The following PPP1R3A variants were observed in gnomAD, a reference collection of about 807,000 sequenced individuals.
PPP1R3A encodes the protein RG1.
PPP1R3A carries 29 observed loss-of-function variants against 41.7 expected under a neutral mutation model. The observed-to-expected ratio is 0.70, with a 90% CI of 0.52 to 0.95. The LOEUF is 0.95. Among genes scored for constraint, PPP1R3A ranks in the 40% least tolerant of loss-of-function variants. The pLI is 0.00. For missense variants in PPP1R3A, 1,352 were observed against 1,292.4 expected, an observed-to-expected ratio of 1.05 and a Z score of -0.71; for synonymous variants, 485 against 453.4, an observed-to-expected ratio of 1.07 and a Z score of -0.89.
intron 1 of PPP1R3A, among the ~76,000 whole-genome samples, chr7:113,886,181 T>G (rs1796781774): frequency 6.6e-6 from 1 of 152,090 alleles, no homozygotes; most frequent in Non-Finnish European, 1.5e-5. Flanking sequence ...GATATTATGG[T>G]TATATCAGGC....
chr7:113,918,181 T>A (rs772787779), intron 1 of PPP1R3A, 34 bp downstream of exon 1: 4 of 1,540,754 alleles, frequency 2.6e-6, no homozygotes, highest in African/African-American at 2.8e-5. Flanking sequence ...ACTTTAAGAT[T>A]GTGAATAATA....
intron 1 of PPP1R3A, among the ~76,000 whole-genome samples, chr7:113,902,638 G>T (rs1286791031): frequency 6.6e-6 from 1 of 151,768 alleles, no homozygotes; most frequent in Admixed American, 6.6e-5. Context: ...GGTTCCTTCA[G>T]CATAGAACAG....
At chr7:113,886,318 C>T (rs945470311) in intron 1 of PPP1R3A, among the ~76,000 whole-genome samples, 12 of 151,962 alleles carry the variant, frequency 7.9e-5, no homozygotes, top group African/African-American at 2.9e-4. Flanking sequence ...CTTTTCTGCA[C>T]CATTCTCATG....
At chr7:113,908,029 G>T (rs1335099994) in intron 1 of PPP1R3A, among the ~76,000 whole-genome samples, 1 of 151,768 alleles carries the variant, frequency 6.6e-6, no homozygotes, top group African/African-American at 2.4e-5. Flanking sequence ...GTAAATTAAA[G>T]AAAGTAAAAA....
At chr7:113,892,393 G>C (rs1796907219) in intron 1 of PPP1R3A, among the ~76,000 whole-genome samples, 1 of 151,958 alleles carries the variant, frequency 6.6e-6, no homozygotes. Flanking sequence ...ATAATGTTAT[G>C]TTGCAGCTTC....
intron 1 of PPP1R3A, among the ~76,000 whole-genome samples, chr7:113,907,211 C>G (rs754526263): frequency 6.6e-6 from 1 of 151,710 alleles, no homozygotes; most frequent in African/African-American, 2.4e-5. Context: ...CACTACTGCT[C>G]ATGAGTAGCA....
At chr7:113,899,481 TA>T (rs1489621457) in intron 1 of PPP1R3A, among the ~76,000 whole-genome samples, 4 of 151,882 alleles carry the variant, frequency 2.6e-5, no homozygotes, top group African/African-American at 9.7e-5. Context: ...ATATTGTTAT[TA>T]ATGCTTAAAA....
intron 1 of PPP1R3A, among the ~76,000 whole-genome samples, chr7:113,889,853 G>T (rs1305053748): frequency 6.6e-6 from 1 of 152,078 alleles, no homozygotes; most frequent in Admixed American, 6.6e-5. Flanking sequence ...TACCAAAAAA[G>T]CAAGACGGAG....
At chr7:113,904,433 A>G (rs1361882416) in intron 1 of PPP1R3A, among the ~76,000 whole-genome samples, 3 of 151,828 alleles carry the variant, frequency 2.0e-5, no homozygotes, top group African/African-American at 4.8e-5. Context: ...TAAAAAATAC[A>G]TAAGTTTATG....
intron 1 of PPP1R3A, among the ~76,000 whole-genome samples, chr7:113,893,572 T>A (rs947335867): frequency 9.9e-5 from 15 of 152,158 alleles, no homozygotes; most frequent in Admixed American, 2.6e-4. Context: ...ATACCTATTA[T>A]ATAAGCTAAT....
At chr7:113,882,537 A>G (rs1358601664) in intron 1 of PPP1R3A, among the ~76,000 whole-genome samples, 1 of 151,988 alleles carries the variant, frequency 6.6e-6, no homozygotes. Flanking sequence ...AGTAATTCAA[A>G]CAATGCCATA....
At chr7:113,897,023 A>G (rs1381882239) in intron 1 of PPP1R3A, among the ~76,000 whole-genome samples, 1 of 151,922 alleles carries the variant, frequency 6.6e-6, no homozygotes, top group Non-Finnish European at 1.5e-5. Flanking sequence ...CATGTTATGG[A>G]AAATATGTTA....
At chr7:113,902,941 C>T (rs554079817) in intron 1 of PPP1R3A, among the ~76,000 whole-genome samples, 2 of 151,944 alleles carry the variant, frequency 1.3e-5, no homozygotes, top group East Asian at 3.9e-4. Context: ...GATGGTCCTT[C>T]ATCATTCATT....
intron 1 of PPP1R3A, among the ~76,000 whole-genome samples, chr7:113,914,965 A>G (rs1029997659): frequency 1.3e-5 from 2 of 152,014 alleles, no homozygotes; most frequent in Non-Finnish European, 2.9e-5. Context: ...TATCAATGTC[A>G]TTTTTGTCAT....
chr7:113,909,191 T>C (rs548207472), intron 1 of PPP1R3A, among the ~76,000 whole-genome samples: 2 of 152,180 alleles, frequency 1.3e-5, no homozygotes, highest in South Asian at 4.1e-4. Flanking sequence ...TTCAGCATTT[T>C]ATTTATACAG....
chr7:113,909,740 T>A (rs1026017310), intron 1 of PPP1R3A, among the ~76,000 whole-genome samples: 6 of 152,064 alleles, frequency 3.9e-5, no homozygotes, highest in African/African-American at 1.4e-4. Flanking sequence ...AACAATATAA[T>A]TTTGCTTGAT....
At chr7:113,891,643 T>C (rs542710888) in intron 1 of PPP1R3A, among the ~76,000 whole-genome samples, 3 of 152,174 alleles carry the variant, frequency 2.0e-5, no homozygotes, top group South Asian at 2.1e-4. Context: ...CATTACCCAA[T>C]TGATTTATTC....
chr7:113,897,047 C>A (rs1220662929), intron 1 of PPP1R3A, among the ~76,000 whole-genome samples: 1 of 151,810 alleles, frequency 6.6e-6, no homozygotes. Flanking sequence ...TATAACTTTT[C>A]ATATGAGACT....
chr7:113,879,513 T>C lies in PPP1R3A; in HGVS notation c.1579A>G (p.Asn527Asp). 6.2e-7 allele frequency: 1 copy of C among 1,613,048 alleles called. No homozygotes were observed. Among genetic ancestry groups the C allele is most frequent in the Non-Finnish European group, 8.5e-7 (1 of 1,179,430 alleles). The change falls in exon 4 of 4, where the codon AAT becomes GAT. Residue 527 changes from asparagine (N) to aspartate (D), a missense_variant. Physicochemically the swap from Asn to Asp is conservative, Grantham distance 23. Coordinates refer to ENST00000284601, the MANE Select transcript of PPP1R3A (RefSeq NM_002711.4). Reference protein sequence around the residue: ...DEEQRIYLGVNEKQRKNFQTI... With the variant: ...DEEQRIYLGVDEKQRKNFQTI... ...TGGAAATTTTTTCTTTGTTTTTCAT[T>C]AACACCTAAATATATTCTTTGTTCT...
Sources: gnomAD v4.1 joint callset for allele counts (sites outside exome capture counted in the v4.1 genomes callset) on GRCh38, gnomAD v4.1.1 for gene constraint, MANE v1.5 for transcripts, NCBI Gene and HGNC (gene_info 2026-07-23, HGNC 2026-07-21) for gene names.